FGF14: variants seen among roughly 807,000 people sequenced by gnomAD.
FGF14 encodes fibroblast growth factor homologous factor 4.
In FGF14, 5 loss-of-function variants were observed where a neutral mutation model predicts 25.5. The observed-to-expected ratio is 0.20, with a 90% CI of 0.10 to 0.41. FGF14 has a LOEUF of 0.41. FGF14 is among the 10% of genes least tolerant of loss of function. The pLI is 1.00. For missense variants in FGF14, 222 were observed against 320.1 expected, an observed-to-expected ratio of 0.69 and a Z score of 2.34; for synonymous variants, 138 against 118.3, an observed-to-expected ratio of 1.17 and a Z score of -1.08.
intron 3 of FGF14, among the ~76,000 whole-genome samples, chr13:101,848,289 C>T (rs1475203619): frequency 6.6e-6 from 1 of 151,484 alleles, no homozygotes; most frequent in Non-Finnish European, 1.5e-5. Context: ...AAAGGTTGAA[C>T]AAAGAGGAAA....
intron 1 of FGF14, among the ~76,000 whole-genome samples, chr13:101,906,257 G>A (rs1566412047): frequency 6.6e-6 from 1 of 152,088 alleles, no homozygotes; most frequent in Non-Finnish European, 1.5e-5. Context: ...ATAAGGATGA[G>A]GTAATTATTG....
chr13:101,882,951 T>C (rs1016829760), intron 1 of FGF14, among the ~76,000 whole-genome samples: 1 of 151,964 alleles, frequency 6.6e-6, no homozygotes, highest in African/African-American at 2.4e-5. Context: ...TTAATAATCC[T>C]CTCTACAGAA....
intron 1 of FGF14, among the ~76,000 whole-genome samples, chr13:102,267,935 T>C (rs2053068042): frequency 6.6e-6 from 1 of 152,028 alleles, no homozygotes; most frequent in Non-Finnish European, 1.5e-5. Context: ...AGCTGATGTT[T>C]TTCATGCCTC....
At chr13:101,731,102 T>G (rs1055117366) in intron 3 of FGF14, among the ~76,000 whole-genome samples, 4 of 152,138 alleles carry the variant, frequency 2.6e-5, no homozygotes, top group African/African-American at 9.7e-5. Flanking sequence ...GTATGAGACC[T>G]CCAATGTACA....
intron 1 of FGF14, among the ~76,000 whole-genome samples, chr13:102,228,681 C>T (rs1382726339): frequency 3.9e-5 from 6 of 152,054 alleles, no homozygotes; most frequent in Non-Finnish European, 8.8e-5. Flanking sequence ...TCCCATTTTA[C>T]AGATAAGAAA....
At chr13:102,106,564 A>T (rs1441230413) in intron 1 of FGF14, among the ~76,000 whole-genome samples, 1 of 140,308 alleles carries the variant, frequency 7.1e-6, no homozygotes, top group African/African-American at 2.6e-5. Context: ...GACAACAGTG[A>T]AACTCTGTCG....
intron 1 of FGF14, among the ~76,000 whole-genome samples, chr13:101,930,394 A>G (rs915046043): frequency 1.3e-5 from 2 of 152,162 alleles, no homozygotes; most frequent in African/African-American, 2.4e-5. Flanking sequence ...TCCTGGGTAA[A>G]CATACTTCAT....
chr13:101,821,074 A>G (rs9518576), intron 3 of FGF14, among the ~76,000 whole-genome samples: 47,474 of 142,116 alleles, frequency 0.33, 8,687 homozygotes, highest in East Asian at 0.55. Context: ...TCAGCCTCCC[A>G]AGTAGCTGGG....
intron 1 of FGF14, among the ~76,000 whole-genome samples, chr13:101,971,049 C>CA (rs2037558822): frequency 6.6e-6 from 1 of 152,126 alleles, no homozygotes; most frequent in Admixed American, 6.5e-5. Flanking sequence ...ATCAAGTTAT[C>CA]AAGTTTATTA....
intron 1 of FGF14, among the ~76,000 whole-genome samples, chr13:102,001,624 T>A (rs2039499488): frequency 6.6e-6 from 1 of 152,128 alleles, no homozygotes; most frequent in African/African-American, 2.4e-5. Flanking sequence ...GATATACTAT[T>A]TACATTACAT....
chr13:102,041,864 T>G (rs1316136742), intron 1 of FGF14, among the ~76,000 whole-genome samples: 1 of 152,138 alleles, frequency 6.6e-6, no homozygotes, highest in Non-Finnish European at 1.5e-5. Context: ...TTTCCTCACA[T>G]TCCAACAGCA....
At chr13:102,093,559 T>C (rs1222272306) in intron 1 of FGF14, among the ~76,000 whole-genome samples, 8 of 152,210 alleles carry the variant, frequency 5.3e-5, no homozygotes, top group South Asian at 2.1e-4. Context: ...GTAAATTACA[T>C]ATCACAATAA....
At chr13:101,891,699 T>C (rs923932649) in intron 1 of FGF14, among the ~76,000 whole-genome samples, 3 of 152,250 alleles carry the variant, frequency 2.0e-5, no homozygotes, top group Admixed American at 6.5e-5. Context: ...CATACATACA[T>C]ATACAAATAT....
chr13:102,251,396 C>T (rs1181230402), intron 1 of FGF14, among the ~76,000 whole-genome samples: 1 of 152,184 alleles, frequency 6.6e-6, no homozygotes, highest in African/African-American at 2.4e-5. Flanking sequence ...TTTGTAAAAA[C>T]TGTTGGTTCC....
chr13:102,399,093 C>T (rs1477264222), intron 1 of FGF14, among the ~76,000 whole-genome samples: 1 of 151,840 alleles, frequency 6.6e-6, no homozygotes, highest in Non-Finnish European at 1.5e-5. Flanking sequence ...GTCATTTGTT[C>T]CACAGTTTCC....
chr13:101,900,276 A>C (rs2031352781), intron 1 of FGF14, among the ~76,000 whole-genome samples: 1 of 152,190 alleles, frequency 6.6e-6, no homozygotes, highest in East Asian at 1.9e-4. Flanking sequence ...ATACTTGCAC[A>C]AAGTTAAAAG....
chr13:101,979,142 C>CA (rs2038103558), intron 1 of FGF14, among the ~76,000 whole-genome samples: 2 of 152,232 alleles, frequency 1.3e-5, no homozygotes, highest in South Asian at 4.1e-4. Context: ...CCCACCTGGG[C>CA]AACTGCACAG....
chr13:102,295,157 ATTATGATTATCACCAGGC>A (rs1305522039), intron 1 of FGF14, among the ~76,000 whole-genome samples: 6 of 152,142 alleles, frequency 3.9e-5, no homozygotes, highest in African/African-American at 1.4e-4. Context: ...GTTCTTCATC[ATTATGATTATCACCAGGC>A]ATTTGTTCCT....
chr13:101,937,538 T>A (rs2035183651), intron 1 of FGF14, among the ~76,000 whole-genome samples: 1 of 152,228 alleles, frequency 6.6e-6, no homozygotes, highest in African/African-American at 2.4e-5. Flanking sequence ...TACTGACACC[T>A]TGACCGTGGA....
Sources: allele counts gnomAD v4.1 joint callset (sites outside exome capture counted in the v4.1 genomes callset), GRCh38; gene constraint gnomAD v4.1.1; transcripts MANE v1.5; gene names NCBI Gene and HGNC (gene_info 2026-07-23, HGNC 2026-07-21).